The following GLI3 variants were observed in gnomAD, a reference collection of about 807,000 sequenced individuals.
GLI3 encodes the protein GLI family zinc finger 3.
GLI3 carries 20 observed loss-of-function variants against 100.8 expected under a neutral mutation model. The ratio of observed to expected loss-of-function variants is 0.20; its 90% CI spans 0.14 to 0.29. The LOEUF (loss-of-function observed/expected upper bound fraction) is 0.29. Ranked by LOEUF, GLI3 falls within the 10% of genes least tolerant of loss-of-function variation. The pLI is 1.00. For missense variants in GLI3, 2,040 were observed against 2,128.5 expected (o/e 0.96, Z 0.82); for synonymous variants, 938 against 860.5 (o/e 1.09, Z -1.58).
At chr7:42,259,260 G>T (rs1325372551) in intron 1 of GLI3, among the ~76,000 whole-genome samples, 2 of 152,170 alleles carry the variant, frequency 1.3e-5, no homozygotes, top group Non-Finnish European at 2.9e-5. Flanking sequence ...AAATAAAGAA[G>T]GCAGTTCATG....
intron 2 of GLI3, among the ~76,000 whole-genome samples, chr7:42,177,753 C>T (rs927451705): frequency 2.0e-5 from 3 of 152,132 alleles, no homozygotes; most frequent in Non-Finnish European, 1.5e-5. Context: ...TTTAATAGAG[C>T]GAAGCTGATG....
intron 10 of GLI3, among the ~76,000 whole-genome samples, chr7:41,993,481 T>G (rs1300775073): frequency 6.6e-6 from 1 of 152,150 alleles, no homozygotes; most frequent in African/African-American, 2.4e-5. Context: ...TGCTCTCCCT[T>G]TTTTCCCGTG....
intron 10 of GLI3, among the ~76,000 whole-genome samples, chr7:41,992,598 G>T (rs1333324073): frequency 6.6e-6 from 1 of 152,104 alleles, no homozygotes; most frequent in African/African-American, 2.4e-5. Flanking sequence ...CTGACCAATG[G>T]AGACTGTACA....
At chr7:42,253,856 T>C (rs1789057913) in intron 1 of GLI3, among the ~76,000 whole-genome samples, 1 of 152,160 alleles carries the variant, frequency 6.6e-6, no homozygotes, top group African/African-American at 2.4e-5. Context: ...ATTGTTGAGA[T>C]CTTTACCCTC....
At chr7:42,121,884 A>T (rs1786008314) in intron 3 of GLI3, among the ~76,000 whole-genome samples, 1 of 152,200 alleles carries the variant, frequency 6.6e-6, no homozygotes, top group Non-Finnish European at 1.5e-5. Context: ...TCTTAAGTTC[A>T]GCATTGGTAA....
At chr7:42,066,983 A>G (rs922398608) in intron 4 of GLI3, among the ~76,000 whole-genome samples, 7 of 152,194 alleles carry the variant, frequency 4.6e-5, no homozygotes, top group Non-Finnish European at 8.8e-5. Flanking sequence ...AGGAACACAG[A>G]CAGAAGTGAG....
At chr7:42,130,724 T>C (rs1271099702) in intron 3 of GLI3, among the ~76,000 whole-genome samples, 1 of 152,070 alleles carries the variant, frequency 6.6e-6, no homozygotes, top group Non-Finnish European at 1.5e-5. Flanking sequence ...AAAGATAGAA[T>C]AGAAATCATC....
intron 1 of GLI3, among the ~76,000 whole-genome samples, chr7:42,255,690 A>G (rs1436046711): frequency 2.6e-5 from 4 of 152,112 alleles, no homozygotes; most frequent in Admixed American, 6.5e-5. Flanking sequence ...GATGCCCTAC[A>G]TTTTGTTTAC....
At chr7:41,990,912 G>A (rs2128717998) in intron 10 of GLI3, among the ~76,000 whole-genome samples, 1 of 151,120 alleles carries the variant, frequency 6.6e-6, no homozygotes, top group South Asian at 2.1e-4. Flanking sequence ...AGAGATGGAT[G>A]GTGATTGCTG....
At chr7:42,045,560 T>A in intron 5 of GLI3, 30 bp from the exon 6 acceptor site, 1 of 1,611,338 alleles carries the variant, frequency 6.2e-7, no homozygotes, top group Non-Finnish European at 8.5e-7. Context: ...GTATGGTTAC[T>A]AGCGAAAGAA....
intron 10 of GLI3, among the ~76,000 whole-genome samples, chr7:42,000,615 T>C (rs948397334): frequency 7.8e-5 from 8 of 102,510 alleles, no homozygotes; most frequent in Admixed American, 5.6e-4. Context: ...ATGTCTGCTT[T>C]CTGTCCCCAA....
At chr7:42,086,830 T>A (rs1317513018) in intron 3 of GLI3, among the ~76,000 whole-genome samples, 2 of 152,176 alleles carry the variant, frequency 1.3e-5, no homozygotes, top group African/African-American at 4.8e-5. Flanking sequence ...CCCCACTGCC[T>A]TGCCCTCTGA....
chr7:42,120,633 A>C (rs1363261700), intron 3 of GLI3, among the ~76,000 whole-genome samples: 1 of 152,138 alleles, frequency 6.6e-6, no homozygotes, highest in African/African-American at 2.4e-5. Context: ...GGTTCTTTTC[A>C]TTTCTTTAAA....
At chr7:42,092,137 C>A (rs371529077) in intron 3 of GLI3, among the ~76,000 whole-genome samples, 4 of 152,186 alleles carry the variant, frequency 2.6e-5, no homozygotes, top group Admixed American at 2.6e-4. Flanking sequence ...ATCTGCCCTG[C>A]GGCCAAGGAC....
intron 10 of GLI3, among the ~76,000 whole-genome samples, chr7:41,984,450 A>G (rs148929572): frequency 5.8e-4 from 88 of 152,266 alleles, no homozygotes; most frequent in African/African-American, 2.0e-3. Flanking sequence ...CTCTGGATCG[A>G]TAAGTGTCCT....
At chr7:42,204,601 T>C (rs1366133368) in intron 2 of GLI3, among the ~76,000 whole-genome samples, 1 of 152,218 alleles carries the variant, frequency 6.6e-6, no homozygotes, top group Non-Finnish European at 1.5e-5. Flanking sequence ...CAATAAGTGT[T>C]TGTTGACTAT....
intron 2 of GLI3, among the ~76,000 whole-genome samples, chr7:42,195,150 C>A (rs567638442): frequency 6.6e-6 from 1 of 152,266 alleles, no homozygotes; most frequent in African/African-American, 2.4e-5. Flanking sequence ...AATGAAGTAG[C>A]CTCCTAATGG....
At position 41,965,381 on chromosome 7, in the gene GLI3, A is replaced by C. The variant is rs553376455; in HGVS notation, c.3692T>G (p.Leu1231Arg). 5.0e-6 allele frequency: 8 copies of C among 1,612,654 alleles called. No homozygotes were observed. In the Admixed American group the frequency reaches 1.2e-4, roughly 24 times the overall value. ...NPYGGPEHLM[L>R]HNSPGSGTSG... ...GGTGCCACTTCCGGGGCTGTTGTGG[A>C]GCATCAAGTGCTCTGGGCCACCGTA... is the stretch of plus-strand genomic sequence containing the variant. The change falls in exon 15 of 15, where the codon CTC becomes CGC. Residue 1231 changes from leucine (L) to arginine (R), a missense_variant. Physicochemically the swap from Leu to Arg is moderately radical, Grantham distance 102. This residue lies in a region of GLI3 where 1,041 missense variants were observed against 924.0 expected (regional missense o/e 1.13). Coordinates refer to ENST00000395925, the MANE Select transcript of GLI3 (RefSeq NM_000168.6).
intron 10 of GLI3, among the ~76,000 whole-genome samples, chr7:41,994,780 T>G (rs1330542340): frequency 6.6e-6 from 1 of 152,250 alleles, no homozygotes; most frequent in Non-Finnish European, 1.5e-5. Context: ...AAACTTATTT[T>G]TATAAGCAGA....
Sources: gnomAD v4.1 joint callset for allele counts (sites outside exome capture counted in the v4.1 genomes callset) on GRCh38, gnomAD v4.1.1 for gene constraint, gnomAD v4.1.1 regional missense constraint, MANE v1.5 for transcripts, NCBI Gene and HGNC (gene_info 2026-07-23, HGNC 2026-07-21) for gene names.